ALG1L2: variants seen among roughly 807,000 people sequenced by gnomAD.
The protein encoded by ALG1L2 is putative glycosyltransferase ALG1L2.
ALG1L2 carries 32 observed loss-of-function variants against 29.0 expected under a neutral mutation model. That is an observed-to-expected ratio of 1.10 (90% CI 0.83 to 1.48). ALG1L2 has a LOEUF of 1.48. Among genes scored for constraint, ALG1L2 ranks in the 40% most tolerant of loss-of-function variants. ALG1L2 has a pLI of 0.00. For missense variants in ALG1L2, 318 were observed against 274.1 expected, an observed-to-expected ratio of 1.16 and a Z score of -1.13; for synonymous variants, 110 against 109.5, an observed-to-expected ratio of 1.00 and a Z score of -0.03.
At position 130,082,898 on chromosome 3, in the gene ALG1L2, C is replaced by G. The variant is rs200040953; in HGVS notation, c.20+862C>G. Among the ~76,000 whole-genome samples the G allele has an allele frequency of 6.5e-5, 9 of 138,610 alleles. No individual in the cohort carries two copies. In the East Asian group the frequency reaches 1.9e-3, roughly 29 times the overall value. 90.9% of individuals were successfully genotyped at this position (138,610 alleles called of 152,430 possible). A position where few individuals can be genotyped will look rare whatever the true frequency, so the allele number is the denominator to read the frequency against. On this transcript the variant is annotated intron_variant, in intron 1 of 7. Transcript: ENST00000425059. ...ACAGCACCAAGAGGTTGCACTTTCTCTTATTATAGAATCAGAATTGAAAAC... is the reference window on the plus strand; with the variant it reads ...ACAGCACCAAGAGGTTGCACTTTCTGTTATTATAGAATCAGAATTGAAAAC...
chr3:130,084,948 T>TTTTA (rs71155601), intron 1 of ALG1L2, among the ~76,000 whole-genome samples: 1,290 of 61,244 alleles, frequency 0.021, 12 homozygotes, highest in Middle Eastern at 0.061. Context: ...ATATATATAA[T>TTTTA]TTTATTTATT....
chr3:130,090,791 G>A (rs1284725032), intron 1 of ALG1L2: 1 of 164,906 alleles, frequency 6.1e-6, no homozygotes, highest in African/African-American at 2.4e-5. Context: ...GCAGTAATGA[G>A]TTGCATTCCA....
intron 4 of ALG1L2, chr3:130,094,164 C>T (rs1456740560): frequency 5.5e-6 from 3 of 548,692 alleles, no homozygotes; most frequent in Non-Finnish European, 9.8e-6. Flanking sequence ...TTGTTTGCAG[C>T]CCGAGGCCAG....
chr3:130,085,738 C>T lies in ALG1L2; in HGVS notation c.20+3702C>T, dbSNP rs1019463216. On this transcript the variant is annotated intron_variant, in intron 1 of 7. Transcript: ENST00000425059. ...AGTGCCCTGCTCTGTGAAATGTTCA[C>T]CTTTATGAATAAGACGACCTCCACG... Among the ~76,000 whole-genome samples the T allele has an allele frequency of 4.0e-5, 6 of 151,350 alleles. 1 individual carries two copies. The highest frequency in any genetic ancestry group is 1.5e-5 in the Non-Finnish European group (1 of 67,596).
chr3:130,083,959 C>G (rs1199077708), intron 1 of ALG1L2, among the ~76,000 whole-genome samples: 4 of 151,384 alleles, frequency 2.6e-5, no homozygotes, highest in Admixed American at 6.6e-5. Context: ...GCTGGTGGTA[C>G]TGTTGGCTGG....
chr3:130,085,024 T>A (rs1228998721), intron 1 of ALG1L2, among the ~76,000 whole-genome samples: 5 of 131,508 alleles, frequency 3.8e-5, no homozygotes, highest in African/African-American at 1.3e-4. Context: ...GGTGGTGCAA[T>A]CTTGGCTCAC....
chr3:130,094,480 T>C lies in ALG1L2; in HGVS notation c.391T>C (p.Trp131Arg). Residue 131 changes from tryptophan (W) to arginine (R), a missense_variant, in exon 5 of 8, where the codon TGG becomes CGG. Coordinates refer to ENST00000425059, the MANE Select transcript of ALG1L2 (RefSeq NM_001136152.1). The part of the protein sequence containing the change: ...HFQHIQVCIP[W>R]LEGRGLPPLL... ...CCAGCACATCCAGGTCTGCATCCCC[T>C]GGCTGGAGGGCCGAGGACTACCCCC... 1.9e-6 allele frequency: 3 copies of C among 1,583,064 alleles called. No individual in the cohort carries two copies. The highest frequency in any genetic ancestry group is 1.7e-5 in the Admixed American group (1 of 59,140).
Position 130,086,723 on chromosome 3 carries a change from G to A in ALG1L2, c.21-4538G>A, listed in dbSNP as rs201550838. Reference sequence around the variant, plus strand: ...CAGATGAAGCAAAGTGGGCCAAAACGTAGAAAAAGGAAATTGCTCTGTTTT... The same window carrying A: ...CAGATGAAGCAAAGTGGGCCAAAACATAGAAAAAGGAAATTGCTCTGTTTT... On this transcript the variant is annotated intron_variant, in intron 1 of 7. Coordinates refer to ENST00000425059, the MANE Select transcript of ALG1L2 (RefSeq NM_001136152.1). 2.2e-4 allele frequency among the ~76,000 whole-genome samples: 22 copies of A among 98,748 alleles called. 5 individuals are homozygous for A. The highest frequency in any genetic ancestry group is 1.0e-3 in the South Asian group (3 of 2,924). 64.8% of individuals were successfully genotyped at this position (98,748 alleles called of 152,430 possible).
chr3:130,095,934 C>T lies in ALG1L2; in HGVS notation c.425-115C>T, dbSNP rs567331967. 242 of 1,122,138 alleles carry T rather than the reference C, an allele frequency of 2.2e-4. 2 individuals carry two copies. The highest frequency in any genetic ancestry group is 1.6e-3 in the South Asian group (115 of 72,242). The allele number at this position is 1,122,138 out of a possible 1,614,324, so 69.5% of individuals were successfully genotyped here. A position where few individuals can be genotyped will look rare whatever the true frequency, so the allele number is the denominator to read the frequency against. On this transcript the variant is annotated intron_variant, in intron 5 of 7. Transcript: ENST00000425059. ...TTAAGCCACTTGTGGTTGGGGATGT[C>T]GGGGGCCTTATCCAATTTTCACTCC... is the stretch of plus-strand genomic sequence containing the variant.
Position 130,094,457 on chromosome 3 carries a change from AG to A in ALG1L2, c.369del (p.Gln123HisfsTer19). On this transcript the variant is annotated frameshift_variant, in exon 5 of 8. Transcript: ENST00000425059. LOFTEE classifies it high-confidence loss of function. ...YSRLIHQKHF[Q>X]HIQVCIPWLE... ...CGCCTCATCCACCAGAAGCATTTCC[AG>A]CACATCCAGGTCTGCATCCCCTGGC... The A allele has an allele frequency of 6.3e-7, 1 of 1,596,256 alleles. No individual in the cohort carries two copies. The highest frequency in any genetic ancestry group is 8.5e-7 in the Non-Finnish European group (1 of 1,179,676).
chr3:130,090,643 A>G (rs1934995360), intron 1 of ALG1L2: 2 of 152,650 alleles, frequency 1.3e-5, no homozygotes, highest in Non-Finnish European at 2.9e-5. Context: ...TAAACGTGAC[A>G]TTCTTTGAAG....
intron 1 of ALG1L2, chr3:130,089,543 A>G (rs1244964731): frequency 1.3e-5 from 2 of 152,418 alleles, no homozygotes; most frequent in East Asian, 3.8e-4. Context: ...TTAAGTATTC[A>G]TTAATGTTGA....
intron 1 of ALG1L2, among the ~76,000 whole-genome samples, chr3:130,087,233 C>G (rs1370913330): frequency 6.6e-6 from 1 of 150,750 alleles, no homozygotes; most frequent in African/African-American, 2.4e-5. Context: ...AACATGACAC[C>G]ATTGCTGTGA....
At chr3:130,092,903 G>A (rs1306283969) in intron 3 of ALG1L2, among the ~76,000 whole-genome samples, 198 bp from the exon 4 acceptor site, 2 of 151,858 alleles carry the variant, frequency 1.3e-5, no homozygotes, top group African/African-American at 2.4e-5. Flanking sequence ...GGTGGTGGGC[G>A]CCTGTAATCC....
At chr3:130,094,278 C>G (rs1935082555) in intron 4 of ALG1L2, 125 bp from the exon 5 acceptor site, 3 of 1,253,904 alleles carry the variant, frequency 2.4e-6, no homozygotes, top group African/African-American at 1.5e-5. Context: ...TAGGGCCTGA[C>G]TGCAGCTGCC....
intron 5 of ALG1L2, among the ~76,000 whole-genome samples, chr3:130,095,587 C>T (rs999337537): frequency 1.3e-5 from 2 of 151,690 alleles, no homozygotes; most frequent in Non-Finnish European, 2.9e-5. Context: ...CAGGCACCTG[C>T]CATGACGCTT....
chr3:130,085,017 G>C (rs1282273205), intron 1 of ALG1L2, among the ~76,000 whole-genome samples: 1 of 131,110 alleles, frequency 7.6e-6, no homozygotes, highest in African/African-American at 2.6e-5. Context: ...GGAGTGCGGT[G>C]GTGCAATCTT....
intron 1 of ALG1L2, among the ~76,000 whole-genome samples, chr3:130,084,976 T>TTTATTTATTTATTTATTTATTTA (rs1181775147): frequency 4.8e-4 from 36 of 75,744 alleles, no homozygotes; most frequent in African/African-American, 1.4e-3. Flanking sequence ...TTATTTATTT[T>TTTATTTATTTATTTATTTATTTA]GAGACAGAAT....
At chr3:130,095,285 C>T (rs1429265627) in intron 5 of ALG1L2, among the ~76,000 whole-genome samples, 3 of 151,942 alleles carry the variant, frequency 2.0e-5, no homozygotes, top group Non-Finnish European at 4.4e-5. Flanking sequence ...CTCGCCTTGG[C>T]CTCCCTAAGT....
Sources: allele counts gnomAD v4.1 joint callset (sites outside exome capture counted in the v4.1 genomes callset), GRCh38; gene constraint gnomAD v4.1.1; transcripts MANE v1.5; gene names NCBI Gene and HGNC (gene_info 2026-07-23, HGNC 2026-07-21).